IFNAR1: variants seen among roughly 807,000 people sequenced by gnomAD.
The protein encoded by IFNAR1 is interferon alpha/beta receptor 1.
In IFNAR1, 47 loss-of-function variants were observed where a neutral mutation model predicts 62.1. The ratio of observed to expected loss-of-function variants is 0.76; its 90% confidence interval spans 0.60 to 0.97. The LOEUF (loss-of-function observed/expected upper bound fraction) is 0.97, where lower values mean the gene tolerates loss of function less well. Ranked by LOEUF, IFNAR1 falls within the 50% of genes least tolerant of loss-of-function variation. The pLI, the probability that IFNAR1 is intolerant of heterozygous loss-of-function variation, is 0.00. For synonymous variants in IFNAR1, 219 were observed against 226.9 expected (o/e 0.97, Z 0.31); for missense variants, 638 against 654.5 (o/e 0.97, Z 0.27).
chr21:33,357,347 G>T lies in IFNAR1; in HGVS notation c.*1798G>T, dbSNP rs1035645304. 3 of 152,218 alleles carry T rather than the reference G, an allele frequency of 2.0e-5. No homozygotes were observed. The highest frequency in any genetic ancestry group is 7.2e-5 in the African/African-American group (3 of 41,436). The allele number at this position is 152,218 out of a possible 1,614,324, so 9.4% of individuals were successfully genotyped here. On this transcript the variant is annotated 3_prime_UTR_variant, in exon 11 of 11. Coordinates refer to ENST00000270139, the MANE Select transcript of IFNAR1 (RefSeq NM_000629.3). ...AGGGCTGTGATGCTCGGCACATCCT[G>T]CCTGGCACATACACGTGTCTGCAGG...
intron 6 of IFNAR1, among the ~76,000 whole-genome samples, chr21:33,347,711 G>A (rs1331130152): frequency 6.6e-6 from 1 of 152,090 alleles, no homozygotes; most frequent in Non-Finnish European, 1.5e-5. Flanking sequence ...ATGAGAGGAG[G>A]GCCTCCATCG....
chr21:33,333,370 C>T (rs1016239677), intron 1 of IFNAR1, among the ~76,000 whole-genome samples: 3 of 152,108 alleles, frequency 2.0e-5, no homozygotes, highest in Non-Finnish European at 4.4e-5. Flanking sequence ...AGAGAGCAGT[C>T]AGTATCTTGA....
At chr21:33,325,400 G>A (rs2083117480) in intron 1 of IFNAR1, among the ~76,000 whole-genome samples, 1 of 152,208 alleles carries the variant, frequency 6.6e-6, no homozygotes, top group Non-Finnish European at 1.5e-5. Flanking sequence ...CGGTGCCAGA[G>A]CTTTGTGTCG....
rs1302728224 is a variant in IFNAR1, at chr21:33,334,897, T to C, written c.77-627T>C. The stretch of plus-strand genomic sequence containing the variant: ...AGGGGAAAGCTGCTGAGATACACTA[T>C]ACTTTCCCACCCCTGCAGTGGGAGA... On this transcript the variant is annotated intron_variant, in intron 1 of 10. Transcript: ENST00000270139. 51 of 1,444,862 alleles carry C rather than the reference T, an allele frequency of 3.5e-5. No individual in the cohort carries two copies. The South Asian group carries it at 4.2e-4, about 12-fold the overall frequency. The allele number at this position is 1,444,862 out of a possible 1,614,324, so 89.5% of individuals were successfully genotyped here. A position where few individuals can be genotyped will look rare whatever the true frequency, so the allele number is the denominator to read the frequency against.
chr21:33,355,279 A>G (rs1239038287), intron 10 of IFNAR1, 37 bp from the exon 11 acceptor site: 1 of 1,004,098 alleles, frequency 1.0e-6, no homozygotes. Flanking sequence ...ATTATTTTAA[A>G]TAATTGATTT....
chr21:33,349,314 G>C, intron 7 of IFNAR1, 24 bp downstream of exon 7: 1 of 1,573,118 alleles, frequency 6.4e-7, no homozygotes. Context: ...TTTTACTGGA[G>C]ATTGTAATTC....
chr21:33,343,630 A>G lies in IFNAR1; in HGVS notation c.627A>G (p.Ser209=), dbSNP rs756135963. Residue 209 remains serine, a synonymous_variant, in exon 5 of 11, where the codon TCA becomes TCG. Transcript: ENST00000270139. The part of the protein sequence containing the change: ...CLKVKAALLT[S]WKIGVYSPVH... Reference sequence around the variant, plus strand: ...AAGTTAAAGCAGCACTACTTACGTCATGGAAAATTGGTGTCTATAGTCCAG... The same window carrying G: ...AAGTTAAAGCAGCACTACTTACGTCGTGGAAAATTGGTGTCTATAGTCCAG... 8 of 1,608,990 alleles carry G rather than the reference A, an allele frequency of 5.0e-6. No individual in the cohort carries two copies. The African/African-American group carries it at 6.7e-5, about 13-fold the overall frequency.
At chr21:33,337,238 T>A (rs2083246441) in intron 2 of IFNAR1, among the ~76,000 whole-genome samples, 1 of 151,796 alleles carries the variant, frequency 6.6e-6, no homozygotes, top group Non-Finnish European at 1.5e-5. Context: ...AATAAATAAA[T>A]AAAATAAAAT....
intron 1 of IFNAR1, among the ~76,000 whole-genome samples, chr21:33,333,751 G>A (rs2083205377): frequency 6.6e-6 from 1 of 151,492 alleles, no homozygotes; most frequent in Non-Finnish European, 1.5e-5. Context: ...AGCCTCCTGA[G>A]TAGCTGGGAC....
Position 33,353,085 on chromosome 21 carries a change from G to A in IFNAR1, c.1294+177G>A, listed in dbSNP as rs34833954. Among the ~76,000 whole-genome samples, 50 of 152,196 alleles carry A rather than the reference G, an allele frequency of 3.3e-4. No homozygotes were observed. The East Asian group carries it at 7.3e-3, about 22-fold the overall frequency. Reference sequence around the variant, plus strand: ...AGACTTTTTAGAAAATATTTGTAACGCTTAACTCTCAAGTCGGTGTTGTTG... The same window carrying A: ...AGACTTTTTAGAAAATATTTGTAACACTTAACTCTCAAGTCGGTGTTGTTG... On this transcript the variant is annotated intron_variant, in intron 9 of 10. Transcript: ENST00000270139.
chr21:33,336,169 C>T (rs1260164236), intron 2 of IFNAR1, among the ~76,000 whole-genome samples: 15 of 142,304 alleles, frequency 1.1e-4, no homozygotes, highest in South Asian at 2.3e-4. Flanking sequence ...TGAGAATATG[C>T]GGTGTTTGGT....
At chr21:33,343,871 T>C (rs2083318597) in intron 5 of IFNAR1, among the ~76,000 whole-genome samples, 195 bp downstream of exon 5, 3 of 152,232 alleles carry the variant, frequency 2.0e-5, no homozygotes, top group African/African-American at 7.2e-5. Context: ...ACTTAAAAGT[T>C]CAGGCTGGGC....
At chr21:33,343,049 C>G (rs2083309050) in intron 3 of IFNAR1, among the ~76,000 whole-genome samples, 2 of 152,166 alleles carry the variant, frequency 1.3e-5, no homozygotes, top group Non-Finnish European at 2.9e-5. Context: ...GCTTCATCTT[C>G]CCAACTTTTC....
chr21:33,353,539 A>G, intron 9 of IFNAR1, 99 bp from the exon 10 acceptor site: 1 of 642,608 alleles, frequency 1.6e-6, no homozygotes, highest in Non-Finnish European at 2.6e-6. Flanking sequence ...AATAGATTTT[A>G]TATTTCCTTT....
intron 2 of IFNAR1, among the ~76,000 whole-genome samples, chr21:33,337,655 T>C (rs1173309533): frequency 1.7e-5 from 1 of 60,146 alleles, no homozygotes; most frequent in Non-Finnish European, 3.5e-5. Flanking sequence ...ATACATACTG[T>C]ATATATACAT....
At chr21:33,340,113 A>T (rs2253923) in intron 2 of IFNAR1, among the ~76,000 whole-genome samples, 57,354 of 151,404 alleles carry the variant, frequency 0.38, 10,981 homozygotes, top group Middle Eastern at 0.46. Context: ...CAGCTTTCTG[A>T]TTGGCCAGTT....
Position 33,358,354 on chromosome 21 carries a change from A to G in IFNAR1, c.*2805A>G, listed in dbSNP as rs1431024941. 1 of 151,666 alleles carries G rather than the reference A, an allele frequency of 6.6e-6. No individual in the cohort carries two copies. The highest frequency in any genetic ancestry group is 1.5e-5 in the Non-Finnish European group (1 of 67,966). The allele number at this position is 151,666 out of a possible 1,614,324, so 9.4% of individuals were successfully genotyped here. A position where few individuals can be genotyped will look rare whatever the true frequency, so the allele number is the denominator to read the frequency against. ...TACCATGCACTTGGGGGTACCAATT[A>G]ACCGCCTGAAAATTAGCATATTGAT... On this transcript the variant is annotated 3_prime_UTR_variant, in exon 11 of 11. Coordinates refer to ENST00000270139, the MANE Select transcript of IFNAR1 (RefSeq NM_000629.3).
At chr21:33,330,192 A>C (rs973095185) in intron 1 of IFNAR1, among the ~76,000 whole-genome samples, 1 of 152,214 alleles carries the variant, frequency 6.6e-6, no homozygotes, top group African/African-American at 2.4e-5. Flanking sequence ...CCATCCAGAT[A>C]TCTGGGATCT....
intron 8 of IFNAR1, among the ~76,000 whole-genome samples, chr21:33,349,872 C>T (rs532424125): frequency 2.0e-5 from 3 of 151,590 alleles, no homozygotes; most frequent in Non-Finnish European, 4.4e-5. Flanking sequence ...GAGCCATGAT[C>T]GTGCCACTGC....
Sources: gnomAD v4.1 joint callset for allele counts (sites outside exome capture counted in the v4.1 genomes callset) on GRCh38, gnomAD v4.1.1 for gene constraint, MANE v1.5 for transcripts, NCBI Gene and HGNC (gene_info 2026-07-23, HGNC 2026-07-21) for gene names.